The following SEMA5B variants were observed in gnomAD, a reference collection of about 807,000 sequenced individuals.
SEMA5B encodes the protein semaphorin 5B, also known as semaphorin-5B.
A neutral mutation model predicts 135.0 loss-of-function variants in SEMA5B; 66 were observed. That is an observed-to-expected ratio of 0.49 (90% confidence interval 0.40 to 0.60). SEMA5B has a LOEUF of 0.60. Among genes scored for constraint, SEMA5B ranks in the 20% least tolerant of loss-of-function variants. The probability of loss-of-function intolerance (pLI) is 0.00; values close to 1 mark genes in which losing one functional copy is unlikely to be tolerated. For synonymous variants in SEMA5B, 690 were observed against 639.5 expected (o/e 1.08, Z -1.19); for missense variants, 1,501 against 1,566.3 (o/e 0.96, Z 0.70).
chr3:123,020,163 T>G (rs955671966), intron 1 of SEMA5B, among the ~76,000 whole-genome samples: 2 of 152,176 alleles, frequency 1.3e-5, no homozygotes, highest in Non-Finnish European at 2.9e-5. Flanking sequence ...TTTATAATAG[T>G]GAAAAATGGT....
intron 1 of SEMA5B, among the ~76,000 whole-genome samples, chr3:122,985,962 T>C (rs777524751): frequency 5.9e-5 from 9 of 152,094 alleles, no homozygotes; most frequent in Non-Finnish European, 1.2e-4. Context: ...AAATGAAGTG[T>C]TAGTAGAATC....
At chr3:122,916,910 C>T (rs528181088) in intron 12 of SEMA5B, among the ~76,000 whole-genome samples, 1 of 152,348 alleles carries the variant, frequency 6.6e-6, no homozygotes, top group Non-Finnish European at 1.5e-5. Flanking sequence ...AACTGGTTCA[C>T]ACACTGATGC....
At position 122,943,461 on chromosome 3, in the gene SEMA5B, C is replaced by T. The variant is rs146432514; in HGVS notation, c.403G>A (p.Gly135Arg). 6.3e-5 allele frequency: 102 copies of T among 1,608,304 alleles called. No individual in the cohort carries two copies. Among genetic ancestry groups the T allele is most frequent in the African/African-American group, 5.1e-4 (38 of 75,044 alleles). The change falls in exon 4 of 23, where the codon GGG becomes AGG. Residue 135 changes from glycine (G) to arginine (R), a missense_variant. By Grantham distance (125) the Gly-to-Arg change is moderately radical. This residue lies in a region of SEMA5B where 574 missense variants were observed against 684.7 expected (regional missense o/e 0.84). Coordinates refer to ENST00000357599, the MANE Select transcript of SEMA5B (RefSeq NM_001031702.4). ...DFSQLALDPSGNQLIVGARNY... is the reference protein window; with the variant it reads ...DFSQLALDPSRNQLIVGARNY... ...CTGGCTCCCACGATGAGCTGGTTCC[C>T]GGAGGGGTCCAAAGCCAGCTGGGAG...
chr3:122,936,419 G>T (rs564055040), intron 5 of SEMA5B, among the ~76,000 whole-genome samples: 4 of 152,150 alleles, frequency 2.6e-5, no homozygotes, highest in Non-Finnish European at 5.9e-5. Flanking sequence ...TGGAGGACGT[G>T]GAGATAAACT....
chr3:122,912,443 T>G, intron 18 of SEMA5B, 101 bp from the exon 19 acceptor site: 1 of 1,135,236 alleles, frequency 8.8e-7, no homozygotes, highest in Non-Finnish European at 1.2e-6. Context: ...TGAGCCACAG[T>G]GACCTCAACA....
At position 122,915,618 on chromosome 3, in the gene SEMA5B, G is replaced by A. The variant is rs757738307; in HGVS notation, c.1810C>T (p.Arg604Trp). The change falls in exon 14 of 23, where the codon CGG becomes TGG. Residue 604 changes from arginine to tryptophan, a missense_variant. This residue lies in a region of SEMA5B where 927 missense variants were observed against 881.6 expected (regional missense o/e 1.05). Coordinates refer to ENST00000357599, the MANE Select transcript of SEMA5B (RefSeq NM_001031702.4). ...AAGCCCCCATCCCGTGTCACATTCC[G>A]CACCTGAAGACACACATGGGAGACA... Reference protein sequence around the residue: ...WTQNITACPVRNVTRDGGFGP... With the variant: ...WTQNITACPVWNVTRDGGFGP... 20 of 1,610,778 alleles carry A rather than the reference G, an allele frequency of 1.2e-5. No individual in the cohort carries two copies. Among genetic ancestry groups the A allele is most frequent in the South Asian group, 6.6e-5 (6 of 90,752 alleles).
At chr3:122,973,690 A>T (rs750989991) in intron 1 of SEMA5B, among the ~76,000 whole-genome samples, 6 of 152,148 alleles carry the variant, frequency 3.9e-5, no homozygotes, top group Non-Finnish European at 7.4e-5. Flanking sequence ...CGATGCTGCA[A>T]ACTTGGGGGG....
intron 12 of SEMA5B, among the ~76,000 whole-genome samples, chr3:122,920,998 C>T (rs572682345): frequency 1.4e-4 from 22 of 152,352 alleles, no homozygotes; most frequent in African/African-American, 5.1e-4. Context: ...GAGACTCCCC[C>T]TCCTTGGCTG....
chr3:122,967,070 G>T (rs922168183), intron 1 of SEMA5B, among the ~76,000 whole-genome samples: 2 of 150,882 alleles, frequency 1.3e-5, no homozygotes, highest in African/African-American at 4.9e-5. Context: ...TTTTAGTAGA[G>T]ACGGGGGTTT....
chr3:122,987,292 C>G (rs756965596), intron 1 of SEMA5B, among the ~76,000 whole-genome samples: 8 of 152,184 alleles, frequency 5.3e-5, no homozygotes, highest in Non-Finnish European at 1.0e-4. Flanking sequence ...AGTGGGTTCA[C>G]AAAGGACAGG....
At chr3:122,928,060 C>A in intron 7 of SEMA5B, 57 bp from the exon 8 acceptor site, 1 of 1,302,570 alleles carries the variant, frequency 7.7e-7, no homozygotes, top group Non-Finnish European at 1.0e-6. Flanking sequence ...GCTGCCTGTT[C>A]TTTCCATCTG....
At chr3:122,955,587 C>T (rs954018565) in intron 2 of SEMA5B, among the ~76,000 whole-genome samples, 2 of 152,184 alleles carry the variant, frequency 1.3e-5, no homozygotes, top group Non-Finnish European at 2.9e-5. Context: ...TCCAGAATTT[C>T]CCCACCAGCA....
intron 1 of SEMA5B, among the ~76,000 whole-genome samples, chr3:122,971,171 T>C (rs1449389903): frequency 6.6e-6 from 1 of 152,214 alleles, no homozygotes; most frequent in Non-Finnish European, 1.5e-5. Flanking sequence ...CCTTAGTCCT[T>C]GGGAATACAT....
At chr3:122,978,752 G>C (rs10934630) in intron 1 of SEMA5B, among the ~76,000 whole-genome samples, 16,111 of 152,154 alleles carry the variant, frequency 0.11, 888 homozygotes, top group Middle Eastern at 0.17. Flanking sequence ...AGGGCCTTGC[G>C]TGATGGGGAG....
At chr3:122,928,696 T>C (rs1938779682) in intron 6 of SEMA5B, 81 bp from the exon 7 acceptor site, 11 of 1,052,278 alleles carry the variant, frequency 1.0e-5, no homozygotes, top group Admixed American at 2.2e-5. Flanking sequence ...CACTGCGTCA[T>C]GGATGCCAAC....
intron 1 of SEMA5B, among the ~76,000 whole-genome samples, chr3:123,008,069 G>A (rs1206018485): frequency 1.3e-5 from 2 of 152,220 alleles, no homozygotes; most frequent in African/African-American, 4.8e-5. Context: ...CTTGAAGAAC[G>A]GGGTTTGCAT....
chr3:122,994,651 G>A (rs1382300596), intron 1 of SEMA5B, among the ~76,000 whole-genome samples: 1 of 152,272 alleles, frequency 6.6e-6, no homozygotes, highest in East Asian at 1.9e-4. Context: ...AGAGGTGACC[G>A]CCTAGGCAGC....
At chr3:122,963,237 C>T (rs752529715) in intron 1 of SEMA5B, among the ~76,000 whole-genome samples, 1 of 152,148 alleles carries the variant, frequency 6.6e-6, no homozygotes, top group Non-Finnish European at 1.5e-5. Flanking sequence ...TGGCTCATGC[C>T]TGTAATCCCA....
At chr3:122,997,116 A>G (rs576003050) in intron 1 of SEMA5B, among the ~76,000 whole-genome samples, 63 of 152,252 alleles carry the variant, frequency 4.1e-4, no homozygotes, top group African/African-American at 1.4e-3. Context: ...GTGTGGCACT[A>G]TGGTTTGTAA....
Sources: allele counts gnomAD v4.1 joint callset (sites outside exome capture counted in the v4.1 genomes callset), GRCh38; gene constraint gnomAD v4.1.1; regional missense constraint gnomAD v4.1.1; transcripts MANE v1.5; gene names NCBI Gene and HGNC (gene_info 2026-07-23, HGNC 2026-07-21).